Variants in NSMCE2 observed in about 807,000 individuals in gnomAD.
The protein encoded by NSMCE2 is E3 SUMO-protein ligase NSE2.
Under a neutral mutation model 23.8 loss-of-function variants are expected in NSMCE2, and 24 were observed. The ratio of observed to expected loss-of-function variants is 1.01; its 90% CI spans 0.73 to 1.42. NSMCE2 has a LOEUF of 1.42. NSMCE2 is among the 40% of genes most tolerant of loss of function. The pLI, the probability that NSMCE2 is intolerant of heterozygous loss-of-function variation, is 0.00. For missense variants in NSMCE2, 284 were observed against 296.5 expected, an observed-to-expected ratio of 0.96 and a Z score of 0.31; for synonymous variants, 92 against 94.1, an observed-to-expected ratio of 0.98 and a Z score of 0.13.
At chr8:125,262,230 C>T (rs1479439690) in intron 5 of NSMCE2, among the ~76,000 whole-genome samples, 1 of 152,102 alleles carries the variant, frequency 6.6e-6, no homozygotes, top group Non-Finnish European at 1.5e-5. Context: ...TTGAGACCAT[C>T]CTGGCTAACA....
chr8:125,116,173 A>G (rs1347450387), intron 3 of NSMCE2, among the ~76,000 whole-genome samples: 2 of 152,236 alleles, frequency 1.3e-5, no homozygotes, highest in Non-Finnish European at 2.9e-5. Flanking sequence ...TATTGCAAAT[A>G]TATGAGGCTT....
intron 4 of NSMCE2, among the ~76,000 whole-genome samples, chr8:125,156,693 G>T (rs1040753710): frequency 2.0e-5 from 3 of 152,152 alleles, no homozygotes; most frequent in Admixed American, 6.6e-5. Context: ...GAGAAGAAAT[G>T]TACTTGATGT....
intron 5 of NSMCE2, among the ~76,000 whole-genome samples, chr8:125,325,266 TG>T (rs1829618851): frequency 6.6e-6 from 1 of 151,784 alleles, no homozygotes; most frequent in African/African-American, 2.4e-5. Context: ...CACTCCAGCT[TG>T]GGTAACATAG....
intron 5 of NSMCE2, among the ~76,000 whole-genome samples, chr8:125,283,211 T>G (rs1195332244): frequency 6.6e-6 from 1 of 152,240 alleles, no homozygotes; most frequent in Non-Finnish European, 1.5e-5. Flanking sequence ...ATTAGCCACT[T>G]CTGCTGCTAT....
chr8:125,212,000 A>G (rs1824365256), intron 5 of NSMCE2, among the ~76,000 whole-genome samples: 1 of 152,202 alleles, frequency 6.6e-6, no homozygotes. Flanking sequence ...TACATGTCAT[A>G]GTGCTCTGTA....
At chr8:125,296,036 T>C (rs1011922073) in intron 5 of NSMCE2, among the ~76,000 whole-genome samples, 4 of 152,230 alleles carry the variant, frequency 2.6e-5, no homozygotes, top group Non-Finnish European at 5.9e-5. Context: ...ATTCTGATCT[T>C]TGCACTGATT....
intron 5 of NSMCE2, among the ~76,000 whole-genome samples, chr8:125,282,914 G>A (rs372046745): frequency 3.4e-4 from 51 of 152,180 alleles, no homozygotes; most frequent in Middle Eastern, 3.2e-3. Flanking sequence ...TATGAGAATC[G>A]TTCTGATGAG....
intron 3 of NSMCE2, among the ~76,000 whole-genome samples, chr8:125,146,870 C>T (rs1368848707): frequency 6.6e-6 from 1 of 151,706 alleles, no homozygotes; most frequent in African/African-American, 2.4e-5. Flanking sequence ...ATGTTGTGCA[C>T]ATGTACCCTA....
At chr8:125,092,672 G>A (rs1157767184) in intron 1 of NSMCE2, among the ~76,000 whole-genome samples, 2 of 152,170 alleles carry the variant, frequency 1.3e-5, no homozygotes, top group Non-Finnish European at 2.9e-5. Context: ...CTTGTACAAG[G>A]CTCCCATGGA....
intron 3 of NSMCE2, among the ~76,000 whole-genome samples, chr8:125,150,795 C>T (rs1274533329): frequency 1.3e-5 from 2 of 152,132 alleles, no homozygotes; most frequent in African/African-American, 4.8e-5. Context: ...GTTTATGCAA[C>T]AGATATAAGA....
At chr8:125,167,728 A>AGGG (rs1821965497) in intron 4 of NSMCE2, among the ~76,000 whole-genome samples, 1 of 152,150 alleles carries the variant, frequency 6.6e-6, no homozygotes, top group African/African-American at 2.4e-5. Context: ...CTTGGGGGGA[A>AGGG]AAATCAGTGG....
chr8:125,299,013 G>A (rs565109838), intron 5 of NSMCE2, among the ~76,000 whole-genome samples: 1 of 152,274 alleles, frequency 6.6e-6, no homozygotes, highest in Admixed American at 6.5e-5. Flanking sequence ...ACCCAAGGTA[G>A]CACATTTCAG....
chr8:125,175,512 G>A (rs1248458251), intron 4 of NSMCE2, among the ~76,000 whole-genome samples: 1 of 152,168 alleles, frequency 6.6e-6, no homozygotes, highest in African/African-American at 2.4e-5. Context: ...AAATCACTGG[G>A]TATGTGTTAT....
chr8:125,145,498 CCA>C (rs1820628916), intron 3 of NSMCE2, among the ~76,000 whole-genome samples: 5 of 152,062 alleles, frequency 3.3e-5, no homozygotes, highest in African/African-American at 1.2e-4. Context: ...TGATACTTCT[CCA>C]TGTATTTATT....
intron 5 of NSMCE2, among the ~76,000 whole-genome samples, chr8:125,257,989 T>C (rs1264310242): frequency 6.6e-6 from 1 of 152,032 alleles, no homozygotes; most frequent in East Asian, 1.9e-4. Flanking sequence ...GTAAATACTT[T>C]TATGACCCAA....
At chr8:125,133,180 A>T (rs1013262260) in intron 3 of NSMCE2, among the ~76,000 whole-genome samples, 6 of 152,244 alleles carry the variant, frequency 3.9e-5, no homozygotes, top group African/African-American at 1.4e-4. Flanking sequence ...GATAATTTGT[A>T]GCTGAAATTA....
At chr8:125,216,468 G>A (rs1465537885) in intron 5 of NSMCE2, among the ~76,000 whole-genome samples, 2 of 151,936 alleles carry the variant, frequency 1.3e-5, no homozygotes, top group South Asian at 2.1e-4. Context: ...GGAGAAACCC[G>A]CTTTCTACTA....
intron 3 of NSMCE2, among the ~76,000 whole-genome samples, chr8:125,105,266 A>C (rs1162405978): frequency 6.6e-6 from 1 of 152,236 alleles, no homozygotes; most frequent in African/African-American, 2.4e-5. Flanking sequence ...GGTGGCCTCC[A>C]AATGTTTTAA....
intron 5 of NSMCE2, among the ~76,000 whole-genome samples, chr8:125,320,183 A>G (rs1331826577): frequency 1.4e-5 from 2 of 143,278 alleles, no homozygotes; most frequent in Admixed American, 1.4e-4. Context: ...CTCAAAAAAA[A>G]AAGAGAGAGA....
Sources: gnomAD v4.1 joint callset for allele counts (sites outside exome capture counted in the v4.1 genomes callset) on GRCh38, gnomAD v4.1.1 for gene constraint, MANE v1.5 for transcripts, NCBI Gene and HGNC (gene_info 2026-07-23, HGNC 2026-07-21) for gene names.